The following ARSF variants were observed in gnomAD, a reference collection of about 807,000 sequenced individuals.
ARSF encodes the protein arylsulfatase F.
ARSF carries 33 observed loss-of-function variants against 35.4 expected under a neutral mutation model. That is an observed-to-expected ratio of 0.93 (90% CI 0.71 to 1.25). ARSF has a LOEUF of 1.25. Among genes scored for constraint, ARSF ranks in the 50% most tolerant of loss-of-function variants. ARSF has a pLI of 0.00. For missense variants in ARSF, 501 were observed against 480.2 expected (o/e 1.04, Z -0.40); for synonymous variants, 222 against 193.1 (o/e 1.15, Z -1.24).
intron 1 of ARSF, among the ~76,000 whole-genome samples, chrX:3,055,026 C>T (rs1347836326): frequency 9.3e-6 from 1 of 107,666 alleles, no homozygotes; most frequent in African/African-American, 3.4e-5. Context: ...TGAGCCACCA[C>T]ATCCAGCCAA....
chrX:3,088,725 T>G (rs2090266806), intron 6 of ARSF, among the ~76,000 whole-genome samples: 1 of 111,179 alleles, frequency 9.0e-6, no homozygotes, highest in Non-Finnish European at 1.9e-5. Flanking sequence ...CATATCTGGC[T>G]AATTTTTGTA....
intron 8 of ARSF, 141 bp from the exon 9 acceptor site, chrX:3,103,621 C>A: frequency 1.5e-6 from 1 of 664,747 alleles, no homozygotes. Context: ...ACGTGCACTA[C>A]TTACCCCACT....
At chrX:3,073,385 T>A (rs2090120703) in intron 3 of ARSF, among the ~76,000 whole-genome samples, 1 of 101,558 alleles carries the variant, frequency 9.8e-6, no homozygotes, top group Non-Finnish European at 2.0e-5. Context: ...CACAGAGAGG[T>A]TCAGCGACTT....
intron 4 of ARSF, 68 bp downstream of exon 4, chrX:3,076,737 C>T: frequency 1.7e-6 from 2 of 1,163,251 alleles, no homozygotes; most frequent in Admixed American, 2.3e-5. Flanking sequence ...AAAAATGTGG[C>T]TTGACCACGT....
At chrX:3,075,151 A>G (rs2090136514) in intron 3 of ARSF, among the ~76,000 whole-genome samples, 1 of 111,606 alleles carries the variant, frequency 9.0e-6, no homozygotes, top group Admixed American at 9.6e-5. Context: ...TCTGTAAGCA[A>G]TTAGCCTCGA....
chrX:3,057,545 A>G (rs1269511735), intron 1 of ARSF, among the ~76,000 whole-genome samples: 1 of 111,796 alleles, frequency 8.9e-6, no homozygotes, highest in Admixed American at 9.6e-5. Context: ...CTATGCACAG[A>G]TAACACGCCA....
In ARSF at chrX:3,112,361, C is replaced by T. The variant is rs149708001; in HGVS notation, c.1578C>T (p.Leu526=). The change falls in exon 11 of 11, where the codon CTC becomes CTT. Residue 526 remains leucine, a synonymous_variant. Transcript: ENST00000381127. ...STPLTPATEP[L]HDFVIKKVAN... Reference sequence around the variant, plus strand: ...CCCTGACACCTGCCACAGAGCCCCTCCATGATTTTGTGATTAAAAAGGTGG... The same window carrying T: ...CCCTGACACCTGCCACAGAGCCCCTTCATGATTTTGTGATTAAAAAGGTGG... 50 of 1,209,069 alleles carry T rather than the reference C, an allele frequency of 4.1e-5. No homozygotes were observed. In the African/African-American group the frequency reaches 8.6e-4, roughly 21 times the overall value.
chrX:3,047,077 G>C (rs1196715858), intron 1 of ARSF, among the ~76,000 whole-genome samples: 3 of 111,767 alleles, frequency 2.7e-5, no homozygotes, highest in African/African-American at 9.7e-5. Context: ...GATTGGACAA[G>C]CTTGAAAAGG....
In ARSF at chrX:3,087,636, G is replaced by T. The variant is rs184353526; in HGVS notation, c.831-1860G>T. 2.4e-3 allele frequency among the ~76,000 whole-genome samples: 256 copies of T among 107,773 alleles called. 2 individuals are homozygous for T. The highest frequency in any genetic ancestry group is 7.2e-3 in the African/African-American group (211 of 29,475). 93.6% of individuals were successfully genotyped at this position (107,773 alleles called of 115,157 possible). The stretch of plus-strand genomic sequence containing the variant: ...AAATATATGGACTTATATTTCTGGG[G>T]GCTACTATTCAAACTACTACAATTG... On this transcript the variant is annotated intron_variant, in intron 6 of 10. Transcript: ENST00000381127.
intron 2 of ARSF, 73 bp from the exon 3 acceptor site, chrX:3,071,953 G>A: frequency 9.2e-7 from 1 of 1,082,652 alleles, no homozygotes; most frequent in East Asian, 3.0e-5. Context: ...CCCCTGTTGT[G>A]TTGTGTTGGG....
intron 10 of ARSF, among the ~76,000 whole-genome samples, chrX:3,111,646 T>A (rs1033320709): frequency 1.8e-5 from 2 of 110,524 alleles, no homozygotes; most frequent in Non-Finnish European, 3.8e-5. Context: ...GGGGGATGGT[T>A]TTGGGATGAT....
At chrX:3,103,304 G>C (rs1268598292) in intron 8 of ARSF, among the ~76,000 whole-genome samples, 2 of 111,221 alleles carry the variant, frequency 1.8e-5, no homozygotes, top group South Asian at 7.6e-4. Flanking sequence ...AAAAACACGA[G>C]AGTAAAGAAT....
intron 1 of ARSF, among the ~76,000 whole-genome samples, chrX:3,067,459 C>G (rs957876865): frequency 9.0e-6 from 1 of 111,095 alleles, no homozygotes; most frequent in Non-Finnish European, 1.9e-5. Context: ...TGCCTCTTTC[C>G]TTATTCAGGA....
upstream of ARSF, among the ~76,000 whole-genome samples, chrX:3,040,807 C>T (rs2089952223): frequency 9.1e-6 from 1 of 110,350 alleles, no homozygotes; most frequent in Non-Finnish European, 1.9e-5. Context: ...TATGTTGAGC[C>T]CTGTCAGAGG....
chrX:3,076,694 G>T (rs1026488010), intron 4 of ARSF, 25 bp downstream of exon 4: 2 of 1,203,557 alleles, frequency 1.7e-6, no homozygotes, highest in African/African-American at 3.5e-5. Flanking sequence ...GGGCTCTGCT[G>T]GGCTCTGCCC....
intron 4 of ARSF, 152 bp from the exon 5 acceptor site, chrX:3,080,739 C>A (rs2090194892): frequency 1.6e-6 from 1 of 611,562 alleles, no homozygotes; most frequent in Non-Finnish European, 2.4e-6. Flanking sequence ...ATTCTTGAGG[C>A]TCCACCCTCC....
intron 7 of ARSF, among the ~76,000 whole-genome samples, chrX:3,097,641 T>C (rs969931102): frequency 2.3e-4 from 26 of 112,315 alleles, no homozygotes; most frequent in Non-Finnish European, 2.1e-4. Context: ...TTGTTCATTA[T>C]GGCATTTTAA....
intron 1 of ARSF, among the ~76,000 whole-genome samples, chrX:3,051,309 A>G (rs1479160610): frequency 1.8e-5 from 2 of 111,903 alleles, no homozygotes; most frequent in Non-Finnish European, 3.8e-5. Flanking sequence ...AACCCTGAGC[A>G]CATGTTCTCA....
intron 1 of ARSF, among the ~76,000 whole-genome samples, chrX:3,054,013 C>T (rs771763906): frequency 4.4e-4 from 49 of 110,688 alleles, no homozygotes; most frequent in Admixed American, 3.9e-4. Context: ...CCACCTGCCT[C>T]GGCCTTCCAA....
Sources: gnomAD v4.1 joint callset for allele counts (sites outside exome capture counted in the v4.1 genomes callset) on GRCh38, gnomAD v4.1.1 for gene constraint, MANE v1.5 for transcripts, NCBI Gene and HGNC (gene_info 2026-07-23, HGNC 2026-07-21) for gene names.